Variants in PALM2AKAP2 observed in about 807,000 individuals in gnomAD.
PALM2AKAP2 encodes PALM2 and AKAP2 fusion.
PALM2AKAP2 carries 37 observed loss-of-function variants against 71.5 expected under a neutral mutation model. That is an observed-to-expected ratio of 0.52 (90% confidence interval 0.40 to 0.68). The LOEUF (loss-of-function observed/expected upper bound fraction) is 0.68, where lower values mean the gene tolerates loss of function less well. Among genes scored for constraint, PALM2AKAP2 ranks in the 30% least tolerant of loss-of-function variants. PALM2AKAP2 has a pLI of 0.00. For missense variants in PALM2AKAP2, 1,224 were observed against 1,191.8 expected (o/e 1.03, Z -0.40); for synonymous variants, 468 against 478.8 (o/e 0.98, Z 0.29).
rs991062204 is a variant in PALM2AKAP2 at position 110,094,427 on chromosome 9, G to A, written c.157-41700G>A. Among the ~76,000 whole-genome samples the A allele has an allele frequency of 2.0e-5, 3 of 152,298 alleles. No individual in the cohort carries two copies. In the South Asian group the frequency reaches 6.2e-4, roughly 32 times the overall value. ...GCTATGAAGAAATACCTGAAACTGG[G>A]TAATTTATAAAGACAAGAGGTTTAA... On this transcript the variant is annotated intron_variant, in intron 1 of 3. Coordinates refer to ENST00000374525, the Ensembl canonical transcript of PALM2AKAP2.
intron 1 of PALM2AKAP2, among the ~76,000 whole-genome samples, chr9:110,098,117 T>G (rs1834906021): frequency 7.7e-6 from 1 of 129,622 alleles, no homozygotes; most frequent in African/African-American, 3.4e-5. Flanking sequence ...AGCAGTACAG[T>G]CCAGCTTCGG....
chr9:109,715,228 G>T (rs1828298740), intron 1 of PALM2AKAP2, among the ~76,000 whole-genome samples: 1 of 152,172 alleles, frequency 6.6e-6, no homozygotes, highest in Non-Finnish European at 1.5e-5. Context: ...TGTGAGATAG[G>T]CCCGCTTTCC....
intron 6 of PALM2AKAP2, among the ~76,000 whole-genome samples, chr9:109,972,978 C>T (rs560549827): frequency 1.3e-5 from 2 of 152,178 alleles, no homozygotes; most frequent in Non-Finnish European, 2.9e-5. Context: ...TGGCTTAATA[C>T]ACATAAGCAA....
intron 1 of PALM2AKAP2, among the ~76,000 whole-genome samples, chr9:109,804,590 T>A (rs1827524360): frequency 6.6e-6 from 1 of 152,236 alleles, no homozygotes; most frequent in African/African-American, 2.4e-5. Context: ...GTCAATTTCC[T>A]GCTAGTCTTC....
In PALM2AKAP2 at chr9:109,929,887, A is replaced by AAAAAT. The variant is rs768243071; in HGVS notation, c.395-2040_395-2039insAAAAT. On this transcript the variant is annotated intron_variant, in intron 5 of 9. Transcript: ENST00000302798. ...TCAAAAAAAAAAAAAAAAAAAAAAA[A>AAAAAT]GAGAGAGAATCATGGAGGTGCAGTT... is the stretch of plus-strand genomic sequence containing the variant. Among the ~76,000 whole-genome samples, 37 of 143,690 alleles carry AAAAAT rather than the reference A, an allele frequency of 2.6e-4. 1 individual carries two copies. Among genetic ancestry groups the AAAAAT allele is most frequent in the Non-Finnish European group, 3.9e-4 (26 of 65,934 alleles). 94.3% of individuals were successfully genotyped at this position (143,690 alleles called of 152,430 possible). A position where few individuals can be genotyped will look rare whatever the true frequency, so the allele number is the denominator to read the frequency against.
intron 3 of PALM2AKAP2, among the ~76,000 whole-genome samples, chr9:109,896,300 C>A (rs111626747): frequency 0.1 from 15,287 of 152,214 alleles, 939 homozygotes; most frequent in East Asian, 0.17. Context: ...CCAGGTCCCT[C>A]CCATGACACA....
At position 110,156,426 on chromosome 9, in the gene PALM2AKAP2, C is replaced by A. The variant is rs745668801; in HGVS notation, c.2677C>A (p.Leu893Met). Residue 893 changes from leucine (L) to methionine (M), a missense_variant, in exon 3 of 4, where the codon CTG becomes ATG. Transcript: ENST00000374525. ...TGCCGGAACCCAGCGGCCCAAGAAT[C>A]TGATGCAGACCCTCATGGAAGACTA... 4 of 1,613,148 alleles carry A rather than the reference C, an allele frequency of 2.5e-6. No homozygotes were observed. The Admixed American group carries it at 6.7e-5, about 27-fold the overall frequency.
chr9:109,923,674 T>C, intron 3 of PALM2AKAP2, 61 bp from the exon 4 acceptor site: 1 of 1,506,978 alleles, frequency 6.6e-7, no homozygotes, highest in Non-Finnish European at 8.9e-7. Context: ...AAGGAGCTGC[T>C]CTCTTGCCCG....
intron 7 of PALM2AKAP2, among the ~76,000 whole-genome samples, chr9:110,028,966 T>C (rs914214890): frequency 1.3e-5 from 2 of 151,578 alleles, no homozygotes; most frequent in Non-Finnish European, 2.9e-5. Context: ...AAAAAAAGAC[T>C]TTTTTCATTT....
At chr9:110,011,008 A>ATATATATAT (rs59500188) in intron 6 of PALM2AKAP2, among the ~76,000 whole-genome samples, 8 of 91,746 alleles carry the variant, frequency 8.7e-5, no homozygotes, top group East Asian at 2.5e-4. Context: ...AAAAAAAAAA[A>ATATATATAT]AAAAAAATAT....
At chr9:109,671,415 G>A (rs12345124) in intron 1 of PALM2AKAP2, among the ~76,000 whole-genome samples, 1,604 of 152,076 alleles carry the variant, frequency 0.011, 25 homozygotes, top group African/African-American at 0.037. Context: ...ATAGTTGTAG[G>A]TGTACAGTCT....
chr9:109,644,037 G>A (rs910413985), intron 1 of PALM2AKAP2, among the ~76,000 whole-genome samples: 2 of 151,942 alleles, frequency 1.3e-5, no homozygotes, highest in Admixed American at 6.6e-5. Context: ...AGATCTCAGG[G>A]GAACTCACTC....
intron 1 of PALM2AKAP2, among the ~76,000 whole-genome samples, chr9:109,701,956 A>G (rs974632512): frequency 3.3e-5 from 5 of 152,252 alleles, no homozygotes; most frequent in African/African-American, 9.6e-5. Context: ...TTCTCAAAAG[A>G]AGACATTTAT....
intron 2 of PALM2AKAP2, 136 bp from the exon 3 acceptor site, chr9:109,880,415 T>A (rs922341302): frequency 7.8e-7 from 1 of 1,285,092 alleles, no homozygotes; most frequent in Non-Finnish European, 1.1e-6. Context: ...TAGGGAGCCA[T>A]GTTAGTGAGG....
chr9:109,759,162 T>C (rs959148815), intron 1 of PALM2AKAP2, among the ~76,000 whole-genome samples: 1 of 152,144 alleles, frequency 6.6e-6, no homozygotes, highest in Non-Finnish European at 1.5e-5. Flanking sequence ...TCTGTTGGTA[T>C]AGTTTTCCCT....
chr9:109,980,898 C>T (rs981377127), intron 6 of PALM2AKAP2, among the ~76,000 whole-genome samples: 1 of 152,184 alleles, frequency 6.6e-6, no homozygotes, highest in African/African-American at 2.4e-5. Context: ...TGGTTAAGAA[C>T]CTAGTTTCTG....
chr9:110,036,658 G>A (rs926596629), intron 7 of PALM2AKAP2, among the ~76,000 whole-genome samples: 1 of 152,012 alleles, frequency 6.6e-6, no homozygotes, highest in African/African-American at 2.4e-5. Flanking sequence ...TAATGCAGTG[G>A]CTTCTCATCT....
intron 1 of PALM2AKAP2, among the ~76,000 whole-genome samples, chr9:109,826,016 A>G (rs1828139594): frequency 6.6e-6 from 1 of 152,232 alleles, no homozygotes; most frequent in African/African-American, 2.4e-5. Context: ...CATATGCACA[A>G]TGGAATACTA....
intron 1 of PALM2AKAP2, among the ~76,000 whole-genome samples, chr9:109,862,606 G>A (rs1030328939): frequency 6.6e-6 from 1 of 152,154 alleles, no homozygotes; most frequent in African/African-American, 2.4e-5. Flanking sequence ...GCAAAGAAAC[G>A]AGGTAGCATG....
Sources: gnomAD v4.1 joint callset for allele counts (sites outside exome capture counted in the v4.1 genomes callset) on GRCh38, gnomAD v4.1.1 for gene constraint, MANE v1.5 for transcripts, NCBI Gene and HGNC (gene_info 2026-07-23, HGNC 2026-07-21) for gene names.